The following RP1 variants were observed in gnomAD, a reference collection of about 807,000 sequenced individuals.
RP1 encodes oxygen-regulated protein 1.
In RP1, 16 loss-of-function variants were observed where a neutral mutation model predicts 14.8. The observed-to-expected ratio is 1.08, with a 90% CI of 0.73 to 1.65. The LOEUF is 1.65. Ranked by LOEUF, RP1 falls within the 40% of genes most tolerant of loss-of-function variation. The pLI, the probability that RP1 is intolerant of heterozygous loss-of-function variation, is 0.00. For missense variants in RP1, 2,631 were observed against 2,535.0 expected, an observed-to-expected ratio of 1.04 and a Z score of -0.81; for synonymous variants, 876 against 883.6, an observed-to-expected ratio of 0.99 and a Z score of 0.15.
chr8:54,835,554 A>G (rs1291320062), intron 24 of RP1, among the ~76,000 whole-genome samples: 1 of 152,110 alleles, frequency 6.6e-6, no homozygotes, highest in Admixed American at 6.6e-5. Context: ...TAGATTAGAT[A>G]TATTTAGACC....
chr8:54,758,938 T>C (rs1376211150), exon 22 of RP1: 3 of 1,535,782 alleles, frequency 2.0e-6, no homozygotes, highest in Non-Finnish European at 2.6e-6. Flanking sequence ...AAATTTCAAG[T>C]AGCAGCAGTG....
chr8:54,689,599 A>G (rs1342770406), intron 12 of RP1, among the ~76,000 whole-genome samples: 1 of 152,130 alleles, frequency 6.6e-6, no homozygotes, highest in Non-Finnish European at 1.5e-5. Flanking sequence ...TCAGTGTTGC[A>G]TGAGTCTCAG....
intron 25 of RP1, among the ~76,000 whole-genome samples, chr8:54,850,057 A>C (rs553351802): frequency 6.6e-6 from 1 of 152,330 alleles, no homozygotes; most frequent in East Asian, 1.9e-4. Context: ...TAATTGTCAG[A>C]AAGGAAAATT....
At chr8:54,683,278 A>C (rs909285458) in intron 12 of RP1, among the ~76,000 whole-genome samples, 1 of 152,188 alleles carries the variant, frequency 6.6e-6, no homozygotes, top group East Asian at 1.9e-4. Context: ...TGTCTTTGCT[A>C]TATGGGCTCA....
intron 1 of RP1, among the ~76,000 whole-genome samples, chr8:54,592,713 G>T (rs1362831312): frequency 6.6e-6 from 1 of 152,032 alleles, no homozygotes; most frequent in African/African-American, 2.4e-5. Context: ...TAGTCCAGTT[G>T]CTCACACAGC....
chr8:54,566,043 C>G (rs538505115), intron 1 of RP1, among the ~76,000 whole-genome samples: 1 of 151,822 alleles, frequency 6.6e-6, no homozygotes, highest in East Asian at 2.0e-4. Flanking sequence ...CAAATTTCCT[C>G]TTTTATAAGG....
intron 24 of RP1, among the ~76,000 whole-genome samples, chr8:54,835,627 A>G (rs1585733518): frequency 6.6e-6 from 1 of 152,204 alleles, no homozygotes; most frequent in South Asian, 2.1e-4. Flanking sequence ...ATATTTATTG[A>G]CTTCTATCAT....
In RP1 at chr8:54,841,758, C is replaced by A. The variant is rs533805667; in HGVS notation, c.3835+4089C>A. ...TTTAGTTAACGGCCTGGCAGTGATG[C>A]TTAGGGCTGATAAGAATGCTGACTC... On this transcript the variant is annotated intron_variant, in intron 25 of 28. Coordinates refer to the RP1 transcript ENST00000637698. 2.6e-5 allele frequency among the ~76,000 whole-genome samples: 4 copies of A among 152,236 alleles called. No homozygotes were observed. In the South Asian group the frequency reaches 8.3e-4, roughly 32 times the overall value.
At chr8:54,845,827 C>T (rs924076520) in intron 25 of RP1, among the ~76,000 whole-genome samples, 1 of 152,160 alleles carries the variant, frequency 6.6e-6, no homozygotes, top group African/African-American at 2.4e-5. Context: ...ATTCTGTGGT[C>T]CTCAGTACTT....
chr8:54,665,951 A>G (rs1273633998), intron 7 of RP1, among the ~76,000 whole-genome samples: 1 of 151,930 alleles, frequency 6.6e-6, no homozygotes, highest in African/African-American at 2.4e-5. Flanking sequence ...AAGCCAGGAG[A>G]AAGCTGCTGG....
chr8:54,637,869 C>G (rs745436751), intron 3 of RP1, among the ~76,000 whole-genome samples: 11 of 152,188 alleles, frequency 7.2e-5, no homozygotes, highest in Non-Finnish European at 1.2e-4. Flanking sequence ...AGGGCTGACT[C>G]TGTCAGCATA....
intron 24 of RP1, among the ~76,000 whole-genome samples, chr8:54,827,526 A>C (rs35887371): frequency 0.32 from 47,883 of 151,898 alleles, 7,712 homozygotes; most frequent in South Asian, 0.37. Flanking sequence ...GATGGGGTTT[A>C]ACCATGTTGC....
chr8:54,737,915 T>C (rs534619282), intron 18 of RP1, among the ~76,000 whole-genome samples: 1 of 152,220 alleles, frequency 6.6e-6, no homozygotes, highest in South Asian at 2.1e-4. Flanking sequence ...CAGAGGTAGA[T>C]TGGTGCCTGT....
At chr8:54,668,529 C>A (rs1242382753) in intron 7 of RP1, among the ~76,000 whole-genome samples, 1 of 152,006 alleles carries the variant, frequency 6.6e-6, no homozygotes, top group Non-Finnish European at 1.5e-5. Context: ...ATACTACCTT[C>A]AAGTTCATGT....
At chr8:54,803,141 C>T (rs116746414) in intron 24 of RP1, among the ~76,000 whole-genome samples, 4,363 of 152,222 alleles carry the variant, frequency 0.029, 121 homozygotes, top group African/African-American at 0.064. Flanking sequence ...AATATTATTT[C>T]TAAAATCTCA....
intron 1 of RP1, among the ~76,000 whole-genome samples, chr8:54,617,394 T>C (rs1032977849): frequency 3.9e-5 from 6 of 152,228 alleles, no homozygotes; most frequent in Non-Finnish European, 8.8e-5. Context: ...TAAATTTCCA[T>C]GCAAATTCTG....
chr8:54,720,347 A>G lies in RP1; in HGVS notation c.2389+41A>G, dbSNP rs1006224316. On this transcript the variant is annotated intron_variant, in intron 16 of 22. Transcript: ENST00000636932. Reference sequence around the variant, plus strand: ...AATGCTTTGATTTTTGGTTTGCTTTATGATGGTTTGTGTACAGTGTCTGAA... The same window carrying G: ...AATGCTTTGATTTTTGGTTTGCTTTGTGATGGTTTGTGTACAGTGTCTGAA... The G allele has an allele frequency of 2.7e-6, 4 of 1,505,826 alleles. No individual in the cohort carries two copies. The East Asian group carries it at 9.8e-5, about 37-fold the overall frequency. 93.3% of individuals were successfully genotyped at this position (1,505,826 alleles called of 1,614,324 possible).
At chr8:54,741,481 G>A (rs547672725) in intron 19 of RP1, among the ~76,000 whole-genome samples, 2 of 151,826 alleles carry the variant, frequency 1.3e-5, no homozygotes, top group African/African-American at 4.8e-5. Context: ...TGCTACACAG[G>A]TGTGTAGCCT....
chr8:54,694,726 C>T (rs1319805501), intron 12 of RP1, among the ~76,000 whole-genome samples: 1 of 151,900 alleles, frequency 6.6e-6, no homozygotes, highest in Non-Finnish European at 1.5e-5. Context: ...TTTTATTAGT[C>T]TTGCTAGCGG....
Sources: allele counts gnomAD v4.1 joint callset (sites outside exome capture counted in the v4.1 genomes callset), GRCh38; gene constraint gnomAD v4.1.1; transcripts MANE v1.5; gene names NCBI Gene and HGNC (gene_info 2026-07-23, HGNC 2026-07-21).